EPHB1: variants seen among roughly 807,000 people sequenced by gnomAD.
The protein encoded by EPHB1 is ephrin type-B receptor 1.
In EPHB1, 30 loss-of-function variants were observed where a neutral mutation model predicts 94.4. The observed-to-expected ratio is 0.32, with a 90% CI of 0.24 to 0.43. The LOEUF is 0.43. Among genes scored for constraint, EPHB1 ranks in the 20% least tolerant of loss-of-function variants. The pLI is 1.00. For missense variants in EPHB1, 1,055 were observed against 1,308.3 expected (o/e 0.81, Z 2.99); for synonymous variants, 522 against 489.1 (o/e 1.07, Z -0.89).
At chr3:134,845,198 C>G (rs2036849820) in intron 1 of EPHB1, among the ~76,000 whole-genome samples, 1 of 152,216 alleles carries the variant, frequency 6.6e-6, no homozygotes, top group Non-Finnish European at 1.5e-5. Flanking sequence ...AAACTCAATT[C>G]TTGGAGTAGT....
In EPHB1 at chr3:135,258,925, CA is replaced by C. The variant is rs1368470491; in HGVS notation, c.2847-85del. Reference sequence around the variant, plus strand: ...GGATTTTTGTAGCATGGCTACTTCCCAAGAACATGGCTTTAGTGATGAGTTT... The same window carrying C: ...GGATTTTTGTAGCATGGCTACTTCCCAGAACATGGCTTTAGTGATGAGTTT... On this transcript the variant is annotated intron_variant, in intron 15 of 15. Transcript: ENST00000398015. 3.4e-6 allele frequency: 4 copies of C among 1,178,170 alleles called. No homozygotes were observed. The African/African-American group carries it at 6.2e-5, about 18-fold the overall frequency. 73.0% of individuals were successfully genotyped at this position (1,178,170 alleles called of 1,614,324 possible).
intron 10 of EPHB1, among the ~76,000 whole-genome samples, chr3:135,190,997 C>T (rs1942441534): frequency 1.3e-5 from 2 of 152,010 alleles, no homozygotes; most frequent in South Asian, 4.2e-4. Flanking sequence ...GTCCCATCTA[C>T]TCAGGAGGCT....
chr3:134,826,365 G>A (rs376555818), intron 1 of EPHB1, among the ~76,000 whole-genome samples: 6 of 152,084 alleles, frequency 3.9e-5, no homozygotes, highest in African/African-American at 1.4e-4. Flanking sequence ...CACCAGTCCA[G>A]ATGCATTGCT....
intron 1 of EPHB1, among the ~76,000 whole-genome samples, chr3:134,800,776 G>C (rs2035920946): frequency 6.6e-6 from 1 of 152,190 alleles, no homozygotes; most frequent in Admixed American, 6.5e-5. Context: ...CAGTATATTT[G>C]GAAACTGCTG....
At chr3:134,952,633 C>A (rs943599832) in intron 3 of EPHB1, among the ~76,000 whole-genome samples, 1 of 152,100 alleles carries the variant, frequency 6.6e-6, no homozygotes, top group African/African-American at 2.4e-5. Flanking sequence ...ATTGCCAGGC[C>A]CTGGAAGGAG....
chr3:134,987,817 A>C (rs1934656129), intron 3 of EPHB1, among the ~76,000 whole-genome samples: 1 of 152,096 alleles, frequency 6.6e-6, no homozygotes, highest in Admixed American at 6.6e-5. Flanking sequence ...ACATAGCAAG[A>C]AGGTGGCATC....
chr3:134,856,536 A>T (rs893249245), intron 1 of EPHB1, among the ~76,000 whole-genome samples: 2 of 152,220 alleles, frequency 1.3e-5, no homozygotes, highest in African/African-American at 4.8e-5. Context: ...CCTGCCATCG[A>T]TAGAGCTGGA....
intron 1 of EPHB1, among the ~76,000 whole-genome samples, chr3:134,836,010 T>C (rs1334413167): frequency 6.6e-6 from 1 of 152,228 alleles, no homozygotes; most frequent in Non-Finnish European, 1.5e-5. Context: ...AAAGGCTGTA[T>C]CACAGTCAGT....
intron 1 of EPHB1, among the ~76,000 whole-genome samples, chr3:134,918,019 T>C (rs777776960): frequency 3.9e-5 from 6 of 152,230 alleles, no homozygotes; most frequent in Admixed American, 1.3e-4. Context: ...GGAGCTGGGG[T>C]TTGAACCCAG....
intron 1 of EPHB1, among the ~76,000 whole-genome samples, chr3:134,852,768 A>G (rs2037019529): frequency 6.6e-6 from 1 of 152,176 alleles, no homozygotes; most frequent in Non-Finnish European, 1.5e-5. Context: ...GCAAAGAATG[A>G]CTAGGCCTGT....
chr3:135,164,009 A>G (rs1941582621), intron 7 of EPHB1, among the ~76,000 whole-genome samples: 1 of 152,172 alleles, frequency 6.6e-6, no homozygotes, highest in African/African-American at 2.4e-5. Context: ...CAGACCCACT[A>G]TGGCCCTGGG....
intron 10 of EPHB1, among the ~76,000 whole-genome samples, chr3:135,186,596 A>G (rs540409909): frequency 6.6e-6 from 1 of 152,306 alleles, no homozygotes; most frequent in East Asian, 1.9e-4. Flanking sequence ...TGCTTTTTTA[A>G]AAAAAGTGCA....
At chr3:134,909,062 G>C (rs749667734) in intron 1 of EPHB1, among the ~76,000 whole-genome samples, 1 of 139,042 alleles carries the variant, frequency 7.2e-6, no homozygotes, top group African/African-American at 2.7e-5. Flanking sequence ...GGAGCATATA[G>C]AGCTCAGCAA....
intron 10 of EPHB1, among the ~76,000 whole-genome samples, chr3:135,191,835 G>A (rs987470749): frequency 2.0e-5 from 3 of 152,174 alleles, no homozygotes; most frequent in East Asian, 1.9e-4. Context: ...CTTCAGGGTC[G>A]GCCCCGGCTT....
chr3:135,198,544 T>C (rs972685255), intron 11 of EPHB1, among the ~76,000 whole-genome samples: 2 of 152,150 alleles, frequency 1.3e-5, no homozygotes, highest in Non-Finnish European at 2.9e-5. Context: ...GAGCTCAGCA[T>C]GTGCTGAGTA....
chr3:135,052,911 G>GA (rs1937217490), intron 3 of EPHB1, among the ~76,000 whole-genome samples: 1 of 69,420 alleles, frequency 1.4e-5, no homozygotes. Context: ...ATATATATAT[G>GA]TGTGTGTGTG....
In EPHB1 at chr3:135,116,115, G is replaced by A. The variant is rs140615076; in HGVS notation, c.961+9512G>A. On this transcript the variant is annotated intron_variant, in intron 4 of 15. Coordinates refer to ENST00000398015, the MANE Select transcript of EPHB1 (RefSeq NM_004441.5). The stretch of plus-strand genomic sequence containing the variant: ...TGTAGTCCCAGCTACTCAGGAGGCT[G>A]AGGCAGGATAATCGCTTGAACCCAG... Among the ~76,000 whole-genome samples the A allele has an allele frequency of 2.6e-5, 4 of 152,338 alleles. No individual in the cohort carries two copies. In the East Asian group the frequency reaches 7.7e-4, roughly 29 times the overall value.
At chr3:134,900,669 T>C (rs2038181185) in intron 1 of EPHB1, among the ~76,000 whole-genome samples, 3 of 152,072 alleles carry the variant, frequency 2.0e-5, no homozygotes, top group Admixed American at 6.6e-5. Flanking sequence ...GTGTGTGGTG[T>C]GCATTTGTGT....
At chr3:134,959,664 A>G (rs1002539387) in intron 3 of EPHB1, among the ~76,000 whole-genome samples, 1 of 152,116 alleles carries the variant, frequency 6.6e-6, no homozygotes, top group Non-Finnish European at 1.5e-5. Flanking sequence ...GAGCTCTGAC[A>G]TGTTAAGCTG....
Sources: gnomAD v4.1 joint callset for allele counts (sites outside exome capture counted in the v4.1 genomes callset) on GRCh38, gnomAD v4.1.1 for gene constraint, MANE v1.5 for transcripts, NCBI Gene and HGNC (gene_info 2026-07-23, HGNC 2026-07-21) for gene names.